GSPT1: variants seen among roughly 807,000 people sequenced by gnomAD.
GSPT1 encodes the protein G1 to S phase transition 1.
GSPT1 carries 20 observed loss-of-function variants against 72.5 expected under a neutral mutation model. The ratio of observed to expected loss-of-function variants is 0.28; its 90% confidence interval spans 0.19 to 0.40. GSPT1 has a LOEUF of 0.40. Ranked by LOEUF, GSPT1 falls within the 10% of genes least tolerant of loss-of-function variation. The pLI is 1.00. For missense variants in GSPT1, 580 were observed against 811.9 expected (o/e 0.71, Z 3.47); for synonymous variants, 334 against 293.5 (o/e 1.14, Z -1.41).
chr16:11,891,087 C>T lies in GSPT1; in HGVS notation c.751G>A (p.Ala251Thr). The T allele has an allele frequency of 6.7e-7, 1 of 1,494,080 alleles. No homozygotes were observed. Among genetic ancestry groups the T allele is most frequent in the South Asian group, 1.3e-5 (1 of 79,632 alleles). The allele number at this position is 1,494,080 out of a possible 1,614,324, so 92.6% of individuals were successfully genotyped here. ...CAAGTTTCTCTGTTTTTCTCTTTAG[C>T]TTCTCTTTCATACTTTTCAAGCGTC... is the stretch of plus-strand genomic sequence containing the variant. ...KRTLEKYERE[A>T]KEKNRETWYL... Residue 251 changes from alanine (A) to threonine (T), a missense_variant, in exon 6 of 15, where the codon GCT becomes ACT. Around this residue, in one of 6 missense-constraint regions of GSPT1, gnomAD observed 51 missense variants for 118.2 expected, o/e 0.43. Coordinates refer to ENST00000434724, the MANE Select transcript of GSPT1 (RefSeq NM_002094.4).
In GSPT1 at chr16:11,877,654, C is replaced by G. The variant is rs2054065107; in HGVS notation, c.1429-74G>C. The stretch of plus-strand genomic sequence containing the variant: ...ACGCAACATAAAATGATCTGAATGT[C>G]TGTCTGCTCAATAAAGAGTTGCAAG... On this transcript the variant is annotated intron_variant, in intron 11 of 14. Transcript: ENST00000434724. This position sits in a 1 kb window ranked among gnomAD's most constrained non-coding sequence, Gnocchi z 4.0. 4 of 860,472 alleles carry G rather than the reference C, an allele frequency of 4.6e-6. No homozygotes were observed. Among genetic ancestry groups the G allele is most frequent in the Non-Finnish European group, 6.9e-6 (4 of 577,770 alleles). 53.3% of individuals were successfully genotyped at this position (860,472 alleles called of 1,614,324 possible). A position where few individuals can be genotyped will look rare whatever the true frequency, so the allele number is the denominator to read the frequency against.
chr16:11,896,324 C>G (rs1189749263), intron 4 of GSPT1, among the ~76,000 whole-genome samples: 1 of 152,126 alleles, frequency 6.6e-6, no homozygotes, highest in African/African-American at 2.4e-5. Context: ...ATGTTACGTA[C>G]AATATACTGA....
At chr16:11,881,790 T>G (rs910722462) in intron 11 of GSPT1, 1 of 150,596 alleles carries the variant, frequency 6.6e-6, no homozygotes, top group African/African-American at 2.4e-5. Context: ...ACCTCCCAAA[T>G]AGCTACGACC....
In GSPT1 at chr16:11,885,257, G is replaced by T. The variant is rs1042818925; in HGVS notation, c.1271C>A (p.Pro424Gln). ...CPWYIGLPFIPYLDNLPNFNR... is the reference protein window; with the variant it reads ...CPWYIGLPFIQYLDNLPNFNR... The stretch of plus-strand genomic sequence containing the variant: ...GAAGTTCGGCAAATTATCCAGATAT[G>T]GAATAAACGGTAATCCACTGAGAAC... Residue 424 changes from proline (P) to glutamine (Q), a missense_variant, in exon 10 of 15, where the codon CCA (proline) becomes CAA (glutamine). Pro to Gln is a moderately conservative substitution (Grantham distance 76). Transcript: ENST00000434724. The T allele has an allele frequency of 1.3e-6, 2 of 1,555,336 alleles. No homozygotes were observed. Among genetic ancestry groups the T allele is most frequent in the Non-Finnish European group, 1.8e-6 (2 of 1,126,956 alleles).
Position 11,912,838 on chromosome 16 carries a change from A to G in GSPT1, c.352+2531T>C, listed in dbSNP as rs2054577591. ...CTTGGCTCTAGAGAACTGTGCTTAA[A>G]TGAATTACACTTAATTACACTTAAA... On this transcript the variant is annotated intron_variant, in intron 1 of 14. Transcript: ENST00000434724. Among the ~76,000 whole-genome samples, 8 of 152,240 alleles carry G rather than the reference A, an allele frequency of 5.3e-5. No homozygotes were observed. The South Asian group carries it at 1.7e-3, about 31-fold the overall frequency.
rs1015176271 is a variant in GSPT1, at chr16:11,868,604, C to G, written c.*4515G>C. The G allele has an allele frequency of 6.6e-6, 1 of 152,138 alleles. No individual in the cohort carries two copies. The highest frequency in any genetic ancestry group is 6.6e-5 in the Admixed American group (1 of 15,264). The allele number at this position is 152,138 out of a possible 1,614,324, so 9.4% of individuals were successfully genotyped here. ...GGTGAGAATAGTCACCTGAAGAGTG[C>G]AAGCGCTCCAGCTCCAGCACACACA... On this transcript the variant is annotated 3_prime_UTR_variant, in exon 15 of 15. Coordinates refer to ENST00000434724, the MANE Select transcript of GSPT1 (RefSeq NM_002094.4).
chr16:11,883,054 A>G lies in GSPT1; in HGVS notation c.1389T>C (p.Ser463=). 2.5e-6 allele frequency: 4 copies of G among 1,609,550 alleles called. No homozygotes were observed. The highest frequency in any genetic ancestry group is 3.4e-6 in the Non-Finnish European group (4 of 1,175,854). Residue 463 remains serine, a synonymous_variant, in exon 11 of 15, where the codon TCT becomes TCC. Transcript: ENST00000434724. The part of the protein sequence containing the change: ...TVVLGKLESG[S]ICKGQQLVMM... ...TCACAAGCTGCTGGCCTTTACAAAT[A>G]GATCCTGATTCCAGCTTTCCCAGGA...
At position 11,869,357 on chromosome 16, in the gene GSPT1, A is replaced by C. The variant is rs921979225; in HGVS notation, c.*3762T>G. On this transcript the variant is annotated 3_prime_UTR_variant, in exon 15 of 15. Coordinates refer to ENST00000434724, the MANE Select transcript of GSPT1 (RefSeq NM_002094.4). ...AGAAACAAGATCAAGGATGTACTAG[A>C]TGGCATCTGCTAGAATCACTGAAAA... 2 of 152,260 alleles carry C rather than the reference A, an allele frequency of 1.3e-5. No homozygotes were observed. Among genetic ancestry groups the C allele is most frequent in the Non-Finnish European group, 2.9e-5 (2 of 68,044 alleles). 9.4% of individuals were successfully genotyped at this position (152,260 alleles called of 1,614,324 possible).
chr16:11,896,810 T>A (rs2054345817), intron 3 of GSPT1, 25 bp from the exon 4 acceptor site: 1 of 1,417,456 alleles, frequency 7.1e-7, no homozygotes, highest in African/African-American at 1.4e-5. Flanking sequence ...TTTAACTTAG[T>A]ATTCTGAAAA....
At chr16:11,905,188 A>T (rs529415118) in intron 1 of GSPT1, among the ~76,000 whole-genome samples, 59 of 152,230 alleles carry the variant, frequency 3.9e-4, no homozygotes, top group Non-Finnish European at 6.6e-4. Flanking sequence ...CATTGCATGA[A>T]AGTAAGAAAT....
intron 5 of GSPT1, among the ~76,000 whole-genome samples, chr16:11,893,265 C>T (rs1008124959): frequency 7.9e-5 from 12 of 151,990 alleles, no homozygotes; most frequent in African/African-American, 2.9e-4. Flanking sequence ...CACAGCGAGA[C>T]CCTGTCTCTT....
chr16:11,877,746 A>G lies in GSPT1; in HGVS notation c.1429-166T>C, dbSNP rs1186850377. Among the ~76,000 whole-genome samples, 1 of 152,254 alleles carries G rather than the reference A, an allele frequency of 6.6e-6. No homozygotes were observed. Among genetic ancestry groups the G allele is most frequent in the Non-Finnish European group, 1.5e-5 (1 of 68,050 alleles). ...AGCCTAGATATGATCAGCAAAAATC[A>G]TATCCTAGAAGTATAACTGCCAATT... On this transcript the variant is annotated intron_variant, in intron 11 of 14. Coordinates refer to ENST00000434724, the MANE Select transcript of GSPT1 (RefSeq NM_002094.4). This position sits in a 1 kb window ranked among gnomAD's most constrained non-coding sequence, Gnocchi z 4.0.
Position 11,897,835 on chromosome 16 carries a change from C to T in GSPT1, c.436+5G>A. The T allele has an allele frequency of 5.4e-6, 8 of 1,478,206 alleles. No individual in the cohort carries two copies. The highest frequency in any genetic ancestry group is 7.4e-6 in the Non-Finnish European group (8 of 1,075,120). The allele number at this position is 1,478,206 out of a possible 1,614,324, so 91.6% of individuals were successfully genotyped here. ...CTGTATTAATATGGTCAGAAATTTT[C>T]TTACCAATAGGTTCTGAAAGTTCCA... On this transcript the variant is annotated splice_donor_5th_base_variant and intron_variant, in intron 3 of 14. Transcript: ENST00000434724.
intron 1 of GSPT1, among the ~76,000 whole-genome samples, chr16:11,900,397 C>G (rs921177803): frequency 2.6e-5 from 4 of 151,000 alleles, no homozygotes; most frequent in African/African-American, 4.9e-5. Context: ...ATGGGCCAGA[C>G]AAGGATAAAA....
chr16:11,888,263 C>A lies in GSPT1; in HGVS notation c.777-513G>T, dbSNP rs1437987137. ...GGCAGATCACCTGAGGTCAGGAGTTCGAGACTAGCCTGGCTAATATGATGA... is the reference window on the plus strand; with the variant it reads ...GGCAGATCACCTGAGGTCAGGAGTTAGAGACTAGCCTGGCTAATATGATGA... On this transcript the variant is annotated intron_variant, in intron 6 of 14. Coordinates refer to ENST00000434724, the MANE Select transcript of GSPT1 (RefSeq NM_002094.4). 2.0e-5 allele frequency among the ~76,000 whole-genome samples: 3 copies of A among 149,340 alleles called. No homozygotes were observed. In the South Asian group the frequency reaches 6.4e-4, roughly 32 times the overall value.
At chr16:11,873,272 G>T in intron 14 of GSPT1, 101 bp from the exon 15 acceptor site, 1 of 609,704 alleles carries the variant, frequency 1.6e-6, no homozygotes, top group South Asian at 2.2e-5. Flanking sequence ...TTTTTACAAT[G>T]TAAGTTACTA....
rs2053947182 is a variant in GSPT1, at chr16:11,868,777, G to GT, written c.*4341dup. Reference sequence around the variant, plus strand: ...TCCACAAACCTGAGGTTTCCACATCGTTTTAAAGGGCACAGTGGCAAATGT... The same window carrying GT: ...TCCACAAACCTGAGGTTTCCACATCGTTTTTAAAGGGCACAGTGGCAAATGT... On this transcript the variant is annotated 3_prime_UTR_variant, in exon 15 of 15. Transcript: ENST00000434724. The GT allele has an allele frequency of 2.0e-5, 3 of 152,186 alleles. No individual in the cohort carries two copies. The highest frequency in any genetic ancestry group is 2.0e-4 in the Admixed American group (3 of 15,270). The allele number at this position is 152,186 out of a possible 1,614,324, so 9.4% of individuals were successfully genotyped here.
chr16:11,915,958 G>A, upstream of GSPT1: 1 of 733,888 alleles, frequency 1.4e-6, no homozygotes. Context: ...TGTGTGAGCG[G>A]ATCTCCTCCC....
chr16:11,878,031 C>G (rs1055658418), intron 11 of GSPT1, among the ~76,000 whole-genome samples: 5 of 152,194 alleles, frequency 3.3e-5, no homozygotes, highest in African/African-American at 1.2e-4. Context: ...CTTTAAAAGT[C>G]TATCAACTAT....
Sources: gnomAD v4.1 joint callset for allele counts (sites outside exome capture counted in the v4.1 genomes callset) on GRCh38, gnomAD v4.1.1 for gene constraint, gnomAD v4.1.1 regional missense constraint, Gnocchi (gnomAD v3.1) non-coding constraint, MANE v1.5 for transcripts, NCBI Gene and HGNC (gene_info 2026-07-23, HGNC 2026-07-21) for gene names.